Variants in CNTLN observed in about 807,000 individuals in gnomAD.
The protein encoded by CNTLN is centlein, centrosomal protein.
In CNTLN, 212 loss-of-function variants were observed where a neutral mutation model predicts 180.0. The ratio of observed to expected loss-of-function variants is 1.18; its 90% confidence interval spans 1.05 to 1.32. CNTLN has a LOEUF of 1.32. Among genes scored for constraint, CNTLN ranks in the 40% most tolerant of loss-of-function variants. The probability of loss-of-function intolerance (pLI) is 0.00; values close to 1 mark genes in which losing one functional copy is unlikely to be tolerated. For synonymous variants in CNTLN, 722 were observed against 563.1 expected (o/e 1.28, Z -3.99); for missense variants, 2,095 against 1,610.9 (o/e 1.30, Z -5.14).
intron 2 of CNTLN, among the ~76,000 whole-genome samples, chr9:17,210,532 A>G (rs929155328): frequency 6.6e-6 from 1 of 152,208 alleles, no homozygotes; most frequent in African/African-American, 2.4e-5. Flanking sequence ...ATACGTGTGC[A>G]TGTGTCTTTA....
intron 6 of CNTLN, among the ~76,000 whole-genome samples, chr9:17,296,387 G>A (rs1817938455): frequency 6.6e-6 from 1 of 151,992 alleles, no homozygotes; most frequent in Non-Finnish European, 1.5e-5. Context: ...GACCAGCTAC[G>A]GATTCGGGCC....
intron 8 of CNTLN, among the ~76,000 whole-genome samples, chr9:17,311,456 T>G (rs905361375): frequency 6.6e-6 from 1 of 151,432 alleles, no homozygotes; most frequent in Admixed American, 6.6e-5. Flanking sequence ...TTTCTGTTTT[T>G]TTTTTTTTTT....
At chr9:17,173,200 T>C (rs1349940893) in intron 2 of CNTLN, among the ~76,000 whole-genome samples, 1 of 152,168 alleles carries the variant, frequency 6.6e-6, no homozygotes, top group African/African-American at 2.4e-5. Context: ...TAATATCTAA[T>C]ATTTGTATAT....
At chr9:17,417,131 A>G (rs1828315603) in intron 18 of CNTLN, among the ~76,000 whole-genome samples, 1 of 152,186 alleles carries the variant, frequency 6.6e-6, no homozygotes, top group Admixed American at 6.6e-5. Flanking sequence ...AGGCTTGGCC[A>G]TTGGAAATGT....
At chr9:17,522,545 A>T in the CNTLN span, among the ~76,000 whole-genome samples, 3 of 152,110 alleles carry the variant, frequency 2.0e-5, no homozygotes, top group Non-Finnish European at 2.9e-5. Flanking sequence ...TGGGAGAAAG[A>T]TTCTTGTGGT....
chr9:17,295,412 A>G (rs1344841734), intron 6 of CNTLN, among the ~76,000 whole-genome samples: 1 of 152,054 alleles, frequency 6.6e-6, no homozygotes, highest in Admixed American at 6.5e-5. Flanking sequence ...ATCACTCACC[A>G]TTTCCCTTGG....
At chr9:17,329,856 T>C (rs775280109) in intron 8 of CNTLN, among the ~76,000 whole-genome samples, 1 of 151,732 alleles carries the variant, frequency 6.6e-6, no homozygotes, top group Non-Finnish European at 1.5e-5. Context: ...ATTTGACATT[T>C]GTTTGCCTGT....
At chr9:17,146,345 T>C (rs779148905) in intron 2 of CNTLN, among the ~76,000 whole-genome samples, 50 of 152,176 alleles carry the variant, frequency 3.3e-4, no homozygotes, top group Non-Finnish European at 7.3e-5. Flanking sequence ...CAGTGGCCTT[T>C]GTACTTTTTG....
chr9:17,332,943 A>G (rs1820741640), intron 10 of CNTLN, among the ~76,000 whole-genome samples: 1 of 152,140 alleles, frequency 6.6e-6, no homozygotes, highest in South Asian at 2.1e-4. Flanking sequence ...ATGTTTATTT[A>G]CTACTTTCAA....
At chr9:17,451,825 A>G (rs1319277226) in intron 18 of CNTLN, among the ~76,000 whole-genome samples, 1 of 152,244 alleles carries the variant, frequency 6.6e-6, no homozygotes, top group East Asian at 1.9e-4. Context: ...AATTTTTTAA[A>G]TGGTTCATTA....
intron 13 of CNTLN, among the ~76,000 whole-genome samples, chr9:17,383,067 G>A (rs1825385076): frequency 6.6e-6 from 1 of 151,860 alleles, no homozygotes; most frequent in African/African-American, 2.4e-5. Flanking sequence ...CCTATCTAAA[G>A]CCTTTTTCTG....
At chr9:17,388,332 G>A in intron 14 of CNTLN, 79 bp downstream of exon 14, 1 of 933,072 alleles carries the variant, frequency 1.1e-6, no homozygotes, top group Non-Finnish European at 1.7e-6. Flanking sequence ...TAAAACGAGG[G>A]CTTGTAAATG....
chr9:17,351,921 T>C (rs867301899), intron 12 of CNTLN, among the ~76,000 whole-genome samples: 3 of 152,168 alleles, frequency 2.0e-5, no homozygotes, highest in African/African-American at 7.2e-5. Context: ...TTCCCTTTTG[T>C]TTCATATCTA....
rs182160191 is a variant in CNTLN, at chr9:17,422,195, C to T, written c.3114+6006C>T. On this transcript the variant is annotated intron_variant, in intron 18 of 25. Coordinates refer to ENST00000380647, the MANE Select transcript of CNTLN (RefSeq NM_017738.4). Reference sequence around the variant, plus strand: ...ACGATAAACGTTCTTTTCTTTAGCACTTTGAATATGTCATGTCCCTCTTTC... The same window carrying T: ...ACGATAAACGTTCTTTTCTTTAGCATTTTGAATATGTCATGTCCCTCTTTC... Among the ~76,000 whole-genome samples the T allele has an allele frequency of 1.1e-4, 17 of 152,204 alleles. No individual in the cohort carries two copies. The East Asian group carries it at 3.3e-3, about 29-fold the overall frequency.
chr9:17,525,636 G>C, the CNTLN span, among the ~76,000 whole-genome samples: 1 of 152,022 alleles, frequency 6.6e-6, no homozygotes, highest in African/African-American at 2.4e-5. Context: ...CAACTAAATA[G>C]AATGATAATA....
intron 15 of CNTLN, among the ~76,000 whole-genome samples, chr9:17,403,259 G>C (rs957931035): frequency 2.0e-5 from 3 of 151,784 alleles, no homozygotes; most frequent in African/African-American, 7.3e-5. Context: ...TTGCTTAATG[G>C]GTTCATGAAC....
At chr9:17,181,062 G>T (rs925251913) in intron 2 of CNTLN, among the ~76,000 whole-genome samples, 18 of 152,094 alleles carry the variant, frequency 1.2e-4, no homozygotes, top group Non-Finnish European at 2.9e-5. Context: ...GGTTTGTTCA[G>T]CTTCATGAAT....
rs375964524 is a variant in CNTLN at position 17,135,416 on chromosome 9, C to T, written c.351C>T (p.Ala117=). The T allele has an allele frequency of 6.3e-7, 1 of 1,596,346 alleles. No individual in the cohort carries two copies. Among genetic ancestry groups the T allele is most frequent in the East Asian group, 2.3e-5 (1 of 44,270 alleles). The stretch of plus-strand genomic sequence containing the variant: ...TGAGCAGCCTAAAGGAGGAGTTGGC[C>T]CTGTGTCAGGTATCGAGGAGTCTCG... ...EELSSLKEEL[A]LCQADKEFVW... Residue 117 remains alanine (A), a synonymous_variant, in exon 1 of 26, where the codon GCC becomes GCT. Coordinates refer to ENST00000380647, the MANE Select transcript of CNTLN (RefSeq NM_017738.4).
intron 5 of CNTLN, among the ~76,000 whole-genome samples, chr9:17,251,861 C>T (rs1826163384): frequency 6.6e-6 from 1 of 151,792 alleles, no homozygotes; most frequent in African/African-American, 2.4e-5. Context: ...CATATTAGTT[C>T]CAATAACCAA....
Sources: gnomAD v4.1 joint callset for allele counts (sites outside exome capture counted in the v4.1 genomes callset) on GRCh38, gnomAD v4.1.1 for gene constraint, MANE v1.5 for transcripts, NCBI Gene and HGNC (gene_info 2026-07-23, HGNC 2026-07-21) for gene names.